Variants in PBX3 observed in about 807,000 individuals in gnomAD.
PBX3 encodes pre-B-cell leukemia transcription factor 3.
Under a neutral mutation model 48.5 loss-of-function variants are expected in PBX3, and 14 were observed. That is an observed-to-expected ratio of 0.29 (90% CI 0.19 to 0.45). PBX3 has a LOEUF of 0.45. Among genes scored for constraint, PBX3 ranks in the 20% least tolerant of loss-of-function variants. PBX3 has a pLI of 1.00. For missense variants in PBX3, 386 were observed against 546.7 expected (o/e 0.71, Z 2.93); for synonymous variants, 210 against 200.3 (o/e 1.05, Z -0.41).
intron 2 of PBX3, among the ~76,000 whole-genome samples, chr9:125,848,770 C>T (rs1346135946): frequency 5.3e-5 from 8 of 151,940 alleles, no homozygotes; most frequent in African/African-American, 1.4e-4. Context: ...CAAATACCTG[C>T]CCTTATGGAA....
chr9:125,783,231 C>G (rs1233377371), intron 2 of PBX3, among the ~76,000 whole-genome samples: 1 of 152,076 alleles, frequency 6.6e-6, no homozygotes, highest in African/African-American at 2.4e-5. Flanking sequence ...TGCGTGATGT[C>G]TCGTTATTAT....
At chr9:125,822,215 A>AT (rs1838672760) in intron 2 of PBX3, among the ~76,000 whole-genome samples, 1 of 152,168 alleles carries the variant, frequency 6.6e-6, no homozygotes. Context: ...GAGCTAACTT[A>AT]TTTTTATGAC....
chr9:125,844,388 A>C (rs1839372599), intron 2 of PBX3, among the ~76,000 whole-genome samples: 1 of 151,964 alleles, frequency 6.6e-6, no homozygotes, highest in African/African-American at 2.4e-5. Flanking sequence ...TGGATTCATC[A>C]CATTATCTTT....
chr9:125,879,377 G>T (rs1226817229), intron 2 of PBX3, among the ~76,000 whole-genome samples: 1 of 151,714 alleles, frequency 6.6e-6, no homozygotes, highest in Non-Finnish European at 1.5e-5. Context: ...CACCGTGCCC[G>T]GCCAAAGACA....
chr9:125,886,461 T>C (rs1478384774), intron 2 of PBX3, among the ~76,000 whole-genome samples: 1 of 152,152 alleles, frequency 6.6e-6, no homozygotes, highest in Non-Finnish European at 1.5e-5. Flanking sequence ...CCATGGATTG[T>C]TCTTGACATC....
intron 2 of PBX3, among the ~76,000 whole-genome samples, chr9:125,900,979 A>G (rs1840932041): frequency 6.6e-6 from 1 of 151,830 alleles, no homozygotes; most frequent in African/African-American, 2.4e-5. Context: ...GTAGATGCCA[A>G]GTGAGAATCC....
intron 3 of PBX3, among the ~76,000 whole-genome samples, chr9:125,928,183 T>C (rs1416160911): frequency 6.6e-6 from 1 of 151,746 alleles, no homozygotes; most frequent in African/African-American, 2.4e-5. Context: ...AGAGCAAGAC[T>C]CTGTCTCTAC....
At chr9:125,771,451 T>C (rs940307059) in intron 2 of PBX3, among the ~76,000 whole-genome samples, 3 of 152,214 alleles carry the variant, frequency 2.0e-5, no homozygotes, top group African/African-American at 7.2e-5. Context: ...ACAAAGTTGG[T>C]AAATTTCATG....
Position 125,944,832 on chromosome 9 carries a change from A to AACCCCAACTCCTCCCCAGTTTATTAG in PBX3, c.843+9226_843+9251dup, listed in dbSNP as rs1404867586. On this transcript the variant is annotated intron_variant, in intron 5 of 8. Transcript: ENST00000373489. Reference sequence around the variant, plus strand: ...GAAGACTCAGACAAGCCTGAACTAAAACCCCAACTCCTCCCCAGTTTATTA... The same window carrying AACCCCAACTCCTCCCCAGTTTATTAG: ...GAAGACTCAGACAAGCCTGAACTAAAACCCCAACTCCTCCCCAGTTTATTAGACCCCAACTCCTCCCCAGTTTATTA... Among the ~76,000 whole-genome samples, 3 of 152,266 alleles carry AACCCCAACTCCTCCCCAGTTTATTAG rather than the reference A, an allele frequency of 2.0e-5. No individual in the cohort carries two copies. The East Asian group carries it at 5.8e-4, about 29-fold the overall frequency.
intron 2 of PBX3, among the ~76,000 whole-genome samples, chr9:125,833,488 C>CAA (rs770658784): frequency 5.3e-4 from 73 of 138,208 alleles, no homozygotes; most frequent in African/African-American, 1.9e-3. Context: ...GACGCTGTCT[C>CAA]AAAAAAAAAA....
chr9:125,879,656 A>G (rs1041159774), intron 2 of PBX3, among the ~76,000 whole-genome samples: 16 of 152,234 alleles, frequency 1.1e-4, no homozygotes, highest in African/African-American at 3.9e-4. Flanking sequence ...GTTGATTAAA[A>G]GGACATTAAG....
chr9:125,917,016 AAC>A (rs1264181967), intron 3 of PBX3, among the ~76,000 whole-genome samples: 2 of 152,290 alleles, frequency 1.3e-5, no homozygotes, highest in East Asian at 3.9e-4. Context: ...TACCCAGATA[AAC>A]AGTTATCAAC....
At chr9:125,943,935 G>A (rs1473799134) in intron 5 of PBX3, among the ~76,000 whole-genome samples, 2 of 152,202 alleles carry the variant, frequency 1.3e-5, no homozygotes, top group African/African-American at 2.4e-5. Context: ...GGAGTCAGGG[G>A]AACAAATACT....
chr9:125,944,120 C>T (rs1284636453), intron 5 of PBX3, among the ~76,000 whole-genome samples: 1 of 152,190 alleles, frequency 6.6e-6, no homozygotes, highest in Non-Finnish European at 1.5e-5. Context: ...TCAGAACAGG[C>T]GCCTTGCTCA....
intron 2 of PBX3, among the ~76,000 whole-genome samples, chr9:125,870,383 A>C (rs1399331635): frequency 6.6e-6 from 1 of 152,140 alleles, no homozygotes; most frequent in Non-Finnish European, 1.5e-5. Context: ...GACTCATCTT[A>C]CATGGTGGCA....
At chr9:125,791,932 C>T (rs1275987904) in intron 2 of PBX3, among the ~76,000 whole-genome samples, 4 of 151,946 alleles carry the variant, frequency 2.6e-5, no homozygotes, top group Non-Finnish European at 5.9e-5. Context: ...GCCGTGCTTC[C>T]CATACAGCCT....
Position 125,822,762 on chromosome 9 carries a change from A to G in PBX3, c.274+74139A>G, listed in dbSNP as rs1294146797. ...CATATATTTCATTAATGTTTTTTGT[A>G]CATTAATACAGGGTATCTCAGTATA... On this transcript the variant is annotated intron_variant, in intron 2 of 8. Transcript: ENST00000373489. 3.3e-5 allele frequency among the ~76,000 whole-genome samples: 5 copies of G among 152,118 alleles called. No homozygotes were observed. In the South Asian group the frequency reaches 6.2e-4, roughly 19 times the overall value.
At chr9:125,821,542 G>A (rs1439478110) in intron 2 of PBX3, among the ~76,000 whole-genome samples, 1 of 152,036 alleles carries the variant, frequency 6.6e-6, no homozygotes, top group South Asian at 2.1e-4. Context: ...TAACTTGTTG[G>A]TAGTATTTCA....
chr9:125,778,167 G>A (rs574180089), intron 2 of PBX3, among the ~76,000 whole-genome samples: 1 of 151,826 alleles, frequency 6.6e-6, no homozygotes, highest in South Asian at 2.1e-4. Context: ...TCACCATGTT[G>A]GCCATGCTGG....
Sources: gnomAD v4.1 joint callset for allele counts (sites outside exome capture counted in the v4.1 genomes callset) on GRCh38, gnomAD v4.1.1 for gene constraint, MANE v1.5 for transcripts, NCBI Gene and HGNC (gene_info 2026-07-23, HGNC 2026-07-21) for gene names.